Variants in GPM6B observed in about 807,000 individuals in gnomAD.
The protein encoded by GPM6B is neuronal membrane glycoprotein M6-b.
In GPM6B, 4 loss-of-function variants were observed where a neutral mutation model predicts 27.2. That is an observed-to-expected ratio of 0.15 (90% CI 0.07 to 0.34). GPM6B has a LOEUF of 0.34. Among genes scored for constraint, GPM6B ranks in the 10% least tolerant of loss-of-function variants. The pLI is 1.00. For synonymous variants in GPM6B, 124 were observed against 103.1 expected, an observed-to-expected ratio of 1.20 and a Z score of -1.23; for missense variants, 183 against 261.9, an observed-to-expected ratio of 0.70 and a Z score of 2.08.
chrX:13,917,092 G>A (rs1372639302), intron 1 of GPM6B, among the ~76,000 whole-genome samples: 1 of 110,812 alleles, frequency 9.0e-6, no homozygotes, highest in Non-Finnish European at 1.9e-5. Flanking sequence ...CACAACTGTG[G>A]TTCCAGCTAC....
rs768009662 is a variant in GPM6B at position 13,928,402 on chromosome X, ACAT to A, written c.-198+9922_-198+9924del. Reference sequence around the variant, plus strand: ...TACAAAACATCTAAAAATATTTGTGACATCATATAATAGAGCTCAAAACAGTTT... The same window carrying A: ...TACAAAACATCTAAAAATATTTGTGACATATAATAGAGCTCAAAACAGTTT... On this transcript the variant is annotated intron_variant, in intron 1 of 6. Coordinates refer to the GPM6B transcript ENST00000398361. 2.9e-3 allele frequency among the ~76,000 whole-genome samples: 330 copies of A among 112,687 alleles called. 1 individual carries two copies. Among genetic ancestry groups the A allele is most frequent in the African/African-American group, 9.7e-3 (303 of 31,089 alleles).
intron 1 of GPM6B, among the ~76,000 whole-genome samples, chrX:13,861,747 T>C (rs766740841): frequency 8.9e-6 from 1 of 112,029 alleles, no homozygotes; most frequent in African/African-American, 3.2e-5. Context: ...ACAGATTCAA[T>C]TAACAGAAGT....
chrX:13,824,128 T>A (rs2049343889), intron 1 of GPM6B, among the ~76,000 whole-genome samples: 1 of 111,991 alleles, frequency 8.9e-6, no homozygotes, highest in Non-Finnish European at 1.9e-5. Flanking sequence ...GTCCTGGGCA[T>A]TGTGGATGTG....
At chrX:13,834,266 T>C (rs754399541) in intron 1 of GPM6B, among the ~76,000 whole-genome samples, 1 of 112,542 alleles carries the variant, frequency 8.9e-6, no homozygotes, top group East Asian at 2.8e-4. Context: ...AATATTCTGT[T>C]AGGATAAGGC....
intron 1 of GPM6B, among the ~76,000 whole-genome samples, chrX:13,865,195 C>G (rs1280943963): frequency 9.0e-6 from 1 of 110,580 alleles, no homozygotes. Flanking sequence ...TGGTCATGAA[C>G]AGGCTCCACA....
intron 5 of GPM6B, among the ~76,000 whole-genome samples, chrX:13,778,201 G>A (rs1387560537): frequency 1.8e-5 from 2 of 109,784 alleles, no homozygotes; most frequent in African/African-American, 3.3e-5. Flanking sequence ...GGTGCCTGCC[G>A]CCATGCCCAG....
At chrX:13,830,393 T>C (rs1053077879) in intron 1 of GPM6B, among the ~76,000 whole-genome samples, 3 of 112,071 alleles carry the variant, frequency 2.7e-5, no homozygotes, top group Non-Finnish European at 5.6e-5. Flanking sequence ...CTTCCCTGTA[T>C]TGGCCAAGCA....
At chrX:13,844,032 G>A (rs1173569579) in intron 1 of GPM6B, among the ~76,000 whole-genome samples, 1 of 111,828 alleles carries the variant, frequency 8.9e-6, no homozygotes, top group Non-Finnish European at 1.9e-5. Flanking sequence ...TATAATTTTA[G>A]TTTTTACATC....
chrX:13,787,444 T>C (rs989947775), intron 2 of GPM6B, among the ~76,000 whole-genome samples: 2 of 111,592 alleles, frequency 1.8e-5, no homozygotes, highest in Non-Finnish European at 3.8e-5. Flanking sequence ...TAGTCCCAGC[T>C]ACTTGGGAGG....
At chrX:13,872,674 A>G (rs1035267730) in intron 1 of GPM6B, among the ~76,000 whole-genome samples, 1 of 110,961 alleles carries the variant, frequency 9.0e-6, no homozygotes, top group African/African-American at 3.3e-5. Flanking sequence ...TAAGAAAAAA[A>G]AAAAAGACAA....
At chrX:13,870,349 C>A (rs1407126065) in intron 1 of GPM6B, among the ~76,000 whole-genome samples, 3 of 112,458 alleles carry the variant, frequency 2.7e-5, no homozygotes. Flanking sequence ...TCATTCCTGT[C>A]TGAAAATAAA....
intron 1 of GPM6B, among the ~76,000 whole-genome samples, chrX:13,938,131 G>A (rs1206375679): frequency 9.1e-6 from 1 of 110,490 alleles, no homozygotes; most frequent in Non-Finnish European, 1.9e-5. Flanking sequence ...AGAGCGTCCC[G>A]GGAAACAGGC....
chrX:13,771,272 T>G lies in GPM6B; in HGVS notation c.*1609A>C, dbSNP rs1373113185. 9.0e-6 allele frequency: 1 copy of G among 111,401 alleles called. No homozygotes were observed. Among genetic ancestry groups the G allele is most frequent in the African/African-American group, 3.3e-5 (1 of 30,557 alleles). The allele number at this position is 111,401 out of a possible 1,213,427, so 9.2% of individuals were successfully genotyped here. A position where few individuals can be genotyped will look rare whatever the true frequency, so the allele number is the denominator to read the frequency against. ...CACTGCCTCTTCTAGAACACTGGAC[T>G]CTGACAGCACCTCCACTGCTGGAAA... On this transcript the variant is annotated 3_prime_UTR_variant, in exon 8 of 8. Transcript: ENST00000316715.
chrX:13,828,557 T>C (rs1365060147), intron 1 of GPM6B, among the ~76,000 whole-genome samples: 1 of 112,087 alleles, frequency 8.9e-6, no homozygotes, highest in Non-Finnish European at 1.9e-5. Context: ...AAATGACTAA[T>C]ACGCAAAGTC....
intron 1 of GPM6B, among the ~76,000 whole-genome samples, chrX:13,869,618 C>G (rs1259301224): frequency 9.0e-6 from 1 of 111,642 alleles, no homozygotes; most frequent in Admixed American, 9.5e-5. Context: ...GACTTCTTTA[C>G]TCTCCTTCCA....
At chrX:13,904,980 A>G (rs2050314788) in intron 1 of GPM6B, among the ~76,000 whole-genome samples, 1 of 110,368 alleles carries the variant, frequency 9.1e-6, no homozygotes, top group African/African-American at 3.3e-5. Context: ...CGCACCTATA[A>G]TCTCAGTACT....
At chrX:13,821,597 T>G (rs1404245656), upstream of GPM6B, among the ~76,000 whole-genome samples, 3 of 112,032 alleles carry the variant, frequency 2.7e-5, no homozygotes, top group Non-Finnish European at 5.6e-5. Flanking sequence ...ATCACTTTTT[T>G]TTTCTTTTTC....
At chrX:13,903,485 GCA>G (rs1307869852) in intron 1 of GPM6B, among the ~76,000 whole-genome samples, 8 of 112,068 alleles carry the variant, frequency 7.1e-5, no homozygotes, top group Admixed American at 2.8e-4. Flanking sequence ...CTTGCCCAAA[GCA>G]CATAGTTAGC....
rs1446704963 is a variant in GPM6B at position 13,778,720 on chromosome X, T to C, written c.697+1098A>G. ...AGATGATTGCTGATTACCAAAAATT[T>C]GTGGCAAAACACTTACTTTTAAGGA... On this transcript the variant is annotated intron_variant, in intron 5 of 7. Transcript: ENST00000316715. Among the ~76,000 whole-genome samples, 3 of 112,046 alleles carry C rather than the reference T, an allele frequency of 2.7e-5. No individual in the cohort carries two copies. The East Asian group carries it at 8.3e-4, about 31-fold the overall frequency.
Sources: allele counts gnomAD v4.1 joint callset (sites outside exome capture counted in the v4.1 genomes callset), GRCh38; gene constraint gnomAD v4.1.1; transcripts MANE v1.5; gene names NCBI Gene and HGNC (gene_info 2026-07-23, HGNC 2026-07-21).